DBF4: variants seen among roughly 807,000 people sequenced by gnomAD.
DBF4 encodes DBF4-CDC7 kinase regulatory subunit, also known as protein DBF4 homolog A.
In DBF4, 25 loss-of-function variants were observed where a neutral mutation model predicts 76.6. The observed-to-expected ratio is 0.33, with a 90% CI of 0.24 to 0.46. The LOEUF is 0.46. Ranked by LOEUF, DBF4 falls within the 20% of genes least tolerant of loss-of-function variation. The pLI, the probability that DBF4 is intolerant of heterozygous loss-of-function variation, is 1.00. For missense variants in DBF4, 638 were observed against 760.8 expected, an observed-to-expected ratio of 0.84 and a Z score of 1.90; for synonymous variants, 213 against 258.0, an observed-to-expected ratio of 0.83 and a Z score of 1.67.
rs1389742157 is a variant in DBF4 at position 87,906,327 on chromosome 7, T to TG, written c.1050-861_1050-860insG. Reference sequence around the variant, plus strand: ...CTTAAAAGCCATGTTAGAGTAGTTTTTTTTTTTTTTTTTACATTTTTTTAT... The same window carrying TG: ...CTTAAAAGCCATGTTAGAGTAGTTTTGTTTTTTTTTTTTTACATTTTTTTAT... On this transcript the variant is annotated intron_variant, in intron 11 of 11. Transcript: ENST00000265728. 3.3e-5 allele frequency among the ~76,000 whole-genome samples: 5 copies of TG among 151,898 alleles called. No homozygotes were observed. In the East Asian group the frequency reaches 7.7e-4, roughly 23 times the overall value.
intron 6 of DBF4, 36 bp from the exon 7 acceptor site, chr7:87,896,438 T>G: frequency 6.3e-7 from 1 of 1,596,008 alleles, no homozygotes; most frequent in Non-Finnish European, 8.6e-7. Context: ...AACTGTACTT[T>G]CAAAGCCAAT....
chr7:87,897,409 G>T (rs1043436179), intron 8 of DBF4, 70 bp downstream of exon 8: 2 of 1,441,688 alleles, frequency 1.4e-6, no homozygotes, highest in Non-Finnish European at 1.9e-6. Context: ...AACTAATTAG[G>T]CTAGCTCGAT....
chr7:87,908,387 C>A lies in DBF4; in HGVS notation c.*224C>A, dbSNP rs192487294. The A allele has an allele frequency of 3.1e-6, 1 of 327,506 alleles. No individual in the cohort carries two copies. Among genetic ancestry groups the A allele is most frequent in the Non-Finnish European group, 5.3e-6 (1 of 189,680 alleles). The allele number at this position is 327,506 out of a possible 1,614,324, so 20.3% of individuals were successfully genotyped here. On this transcript the variant is annotated 3_prime_UTR_variant, in exon 12 of 12. Coordinates refer to ENST00000265728, the MANE Select transcript of DBF4 (RefSeq NM_006716.4). ...TCTTGTTTTACATTATATATATGTT[C>A]GTAATTGTTTCCTGAGAATTACAAT...
At chr7:87,887,540 A>C (rs555351811) in intron 5 of DBF4, 142 bp downstream of exon 5, 1 of 1,000,996 alleles carries the variant, frequency 1.0e-6, no homozygotes, top group South Asian at 1.9e-5. Context: ...AATACCTGAA[A>C]CTGGGTAATG....
intron 7 of DBF4, 106 bp downstream of exon 7, chr7:87,896,616 T>C: frequency 1.0e-6 from 1 of 1,002,626 alleles, no homozygotes; most frequent in South Asian, 1.5e-5. Context: ...TTCAAGGCTT[T>C]CTTCGTCTTT....
Position 87,908,562 on chromosome 7 carries a change from T to C in DBF4, c.*399T>C, listed in dbSNP as rs1042388639. On this transcript the variant is annotated 3_prime_UTR_variant, in exon 12 of 12. Transcript: ENST00000265728. ...ATGACCTTGCCTTGAAAAACCTAAATTTCATACAGAAAGGAAAAATACATT... is the reference window on the plus strand; with the variant it reads ...ATGACCTTGCCTTGAAAAACCTAAACTTCATACAGAAAGGAAAAATACATT... 3 of 154,392 alleles carry C rather than the reference T, an allele frequency of 1.9e-5. No homozygotes were observed. The East Asian group carries it at 5.7e-4, about 29-fold the overall frequency. The allele number at this position is 154,392 out of a possible 1,614,324, so 9.6% of individuals were successfully genotyped here.
chr7:87,885,799 A>G (rs1482681012), intron 3 of DBF4, among the ~76,000 whole-genome samples: 1 of 152,206 alleles, frequency 6.6e-6, no homozygotes, highest in Non-Finnish European at 1.5e-5. Flanking sequence ...AAAGGTTGCC[A>G]GCCCCTATTC....
chr7:87,907,373 T>G lies in DBF4; in HGVS notation c.1235T>G (p.Ile412Ser), dbSNP rs1251936159. 6.2e-7 allele frequency: 1 copy of G among 1,613,926 alleles called. No homozygotes were observed. The highest frequency in any genetic ancestry group is 8.5e-7 in the Non-Finnish European group (1 of 1,179,958). Reference protein sequence around the residue: ...TQETEKKLLFISEPIPHPSNE... With the variant: ...TQETEKKLLFSSEPIPHPSNE... ...GAAACTGAAAAAAAGCTCCTGTTTA[T>G]TTCAGAGCCCATCCCCCACCCTTCA... The change falls in exon 12 of 12, where the codon ATT (isoleucine) becomes AGT (serine). Residue 412 changes from isoleucine to serine, a missense_variant. By Grantham distance (142) the Ile-to-Ser change is moderately radical. Transcript: ENST00000265728.
Position 87,876,540 on chromosome 7 carries a change from C to T in DBF4, c.-193C>T, listed in dbSNP as rs1474776769. 5 of 620,552 alleles carry T rather than the reference C, an allele frequency of 8.1e-6. No homozygotes were observed. Among genetic ancestry groups the T allele is most frequent in the African/African-American group, 1.8e-5 (1 of 54,476 alleles). 38.4% of individuals were successfully genotyped at this position (620,552 alleles called of 1,614,324 possible). A position where few individuals can be genotyped will look rare whatever the true frequency, so the allele number is the denominator to read the frequency against. On this transcript the variant is annotated 5_prime_UTR_variant, in exon 1 of 12. Transcript: ENST00000265728. ...ACTCGTTTGTGCTTTGCGCCTTCCT[C>T]CTCCGCGCCTTGGAGCCGGATCCGG...
rs570571295 is a variant in DBF4, at chr7:87,907,795, ACTC to A, written c.1663_1665del (p.Pro555del). ...TGTTCAGGCAAAGGCTCCATTCCAT[ACTC>A]CTCCTGAGGAACCCAATGAATGTGA... On this transcript the variant is annotated inframe_deletion, in exon 12 of 12. Coordinates refer to ENST00000265728, the MANE Select transcript of DBF4 (RefSeq NM_006716.4). 5.0e-3 allele frequency: 8,019 copies of A among 1,613,976 alleles called. 33 individuals are homozygous for A. The highest frequency in any genetic ancestry group is 5.5e-3 in the Non-Finnish European group (6,504 of 1,179,928).
rs578149714 is a variant in DBF4 at position 87,890,722 on chromosome 7, A to G, written c.597+2663A>G. 6.6e-5 allele frequency among the ~76,000 whole-genome samples: 10 copies of G among 152,268 alleles called. No individual in the cohort carries two copies. The South Asian group carries it at 2.1e-3, about 32-fold the overall frequency. The stretch of plus-strand genomic sequence containing the variant: ...TATTTACTAGATTATTAACATCATA[A>G]AGACCAAGTTTAGTCCTCATCATTC... On this transcript the variant is annotated intron_variant, in intron 6 of 11. Coordinates refer to ENST00000265728, the MANE Select transcript of DBF4 (RefSeq NM_006716.4).
intron 8 of DBF4, among the ~76,000 whole-genome samples, chr7:87,897,722 A>G (rs149334983): frequency 2.6e-4 from 39 of 152,340 alleles, no homozygotes; most frequent in African/African-American, 8.4e-4. Context: ...AACATCTAAC[A>G]TGGTTGATTT....
Position 87,909,201 on chromosome 7 carries a change from C to T in DBF4, c.*1038C>T, listed in dbSNP as rs1317652732. The T allele has an allele frequency of 1.3e-5, 2 of 152,154 alleles. No individual in the cohort carries two copies. Among genetic ancestry groups the T allele is most frequent in the Non-Finnish European group, 2.9e-5 (2 of 68,042 alleles). The allele number at this position is 152,154 out of a possible 1,614,324, so 9.4% of individuals were successfully genotyped here. A position where few individuals can be genotyped will look rare whatever the true frequency, so the allele number is the denominator to read the frequency against. On this transcript the variant is annotated 3_prime_UTR_variant, in exon 12 of 12. Coordinates refer to ENST00000265728, the MANE Select transcript of DBF4 (RefSeq NM_006716.4). Reference sequence around the variant, plus strand: ...TGCCTTGATCTGGCACTTACTGATACAAGCATTTGGAGAAGAGAAAATTCA... The same window carrying T: ...TGCCTTGATCTGGCACTTACTGATATAAGCATTTGGAGAAGAGAAAATTCA...
At chr7:87,878,518 G>C (rs1423428851) in intron 2 of DBF4, 2 of 237,452 alleles carry the variant, frequency 8.4e-6, no homozygotes, top group Admixed American at 5.4e-5. Flanking sequence ...ATGTCCTCCA[G>C]ATAACAGCAA....
At chr7:87,888,418 A>G (rs1246304277) in intron 6 of DBF4, 2 of 711,126 alleles carry the variant, frequency 2.8e-6, no homozygotes, top group Admixed American at 6.3e-5. Context: ...ATCCTTTTCA[A>G]CTGCTCTAAA....
intron 10 of DBF4, among the ~76,000 whole-genome samples, chr7:87,903,185 A>C (rs1044676204): frequency 1.3e-5 from 2 of 152,102 alleles, no homozygotes. Flanking sequence ...CGAGTTCCAG[A>C]GATTCTACTG....
At chr7:87,902,366 A>G (rs1839809124) in intron 10 of DBF4, among the ~76,000 whole-genome samples, 1 of 152,124 alleles carries the variant, frequency 6.6e-6, no homozygotes, top group African/African-American at 2.4e-5. Context: ...TTCCACTTGT[A>G]TCAAGGGATT....
chr7:87,897,407 A>T, intron 8 of DBF4, 68 bp downstream of exon 8: 1 of 1,435,480 alleles, frequency 7.0e-7, no homozygotes, highest in Non-Finnish European at 9.7e-7. Flanking sequence ...CTAACTAATT[A>T]GGCTAGCTCG....
At chr7:87,887,088 T>C (rs1839374407) in intron 4 of DBF4, among the ~76,000 whole-genome samples, 194 bp downstream of exon 4, 1 of 152,214 alleles carries the variant, frequency 6.6e-6, no homozygotes, top group Admixed American at 6.5e-5. Flanking sequence ...TTTTAAAATA[T>C]TACTGGAAAC....
Sources: allele counts gnomAD v4.1 joint callset (sites outside exome capture counted in the v4.1 genomes callset), GRCh38; gene constraint gnomAD v4.1.1; transcripts MANE v1.5; gene names NCBI Gene and HGNC (gene_info 2026-07-23, HGNC 2026-07-21).